KCTD1: variants seen among roughly 807,000 people sequenced by gnomAD.
KCTD1 encodes BTB/POZ domain-containing protein KCTD1.
KCTD1 carries 24 observed loss-of-function variants against 66.0 expected under a neutral mutation model. That is an observed-to-expected ratio of 0.36 (90% CI 0.26 to 0.51). The LOEUF (loss-of-function observed/expected upper bound fraction) is 0.51. Ranked by LOEUF, KCTD1 falls within the 20% of genes least tolerant of loss-of-function variation. The pLI is 0.95. For missense variants in KCTD1, 943 were observed against 1,205.2 expected (o/e 0.78, Z 3.22); for synonymous variants, 511 against 517.2 (o/e 0.99, Z 0.16).
At chr18:26,525,019 T>G (rs1984089781) in intron 1 of KCTD1, among the ~76,000 whole-genome samples, 1 of 152,128 alleles carries the variant, frequency 6.6e-6, no homozygotes, top group South Asian at 2.1e-4. Context: ...TCAAAAAAGT[T>G]CATTTCCCTA....
At chr18:26,477,539 T>C (rs1315030154) in intron 2 of KCTD1, among the ~76,000 whole-genome samples, 1 of 152,238 alleles carries the variant, frequency 6.6e-6, no homozygotes, top group African/African-American at 2.4e-5. Flanking sequence ...AAGCATTCCA[T>C]ATCAGAGAAG....
In KCTD1 at chr18:26,609,798, A is replaced by G. The variant is rs1987094539; in HGVS notation, c.-16+19349T>C. ...CTTTTACAAGGATAAAGTCAATTGT[A>G]TTTCATTTGGGATAATTCATTTAAA... On this transcript the variant is annotated intron_variant, in intron 1 of 4. Transcript: ENST00000317932. 2.0e-5 allele frequency among the ~76,000 whole-genome samples: 3 copies of G among 152,224 alleles called. No homozygotes were observed. In the South Asian group the frequency reaches 6.2e-4, roughly 32 times the overall value.
intron 1 of KCTD1, among the ~76,000 whole-genome samples, chr18:26,626,250 C>A (rs929051620): frequency 1.3e-5 from 2 of 152,076 alleles, no homozygotes; most frequent in African/African-American, 4.8e-5. Context: ...ACAGCTTAAG[C>A]CTATGCCAGC....
chr18:26,603,445 A>AC (rs1180366268), intron 1 of KCTD1, among the ~76,000 whole-genome samples: 1 of 151,060 alleles, frequency 6.6e-6, no homozygotes, highest in Non-Finnish European at 1.5e-5. Context: ...AAAAAAAAAA[A>AC]AGACTTAAAT....
At chr18:26,560,952 G>C (rs1033427382) in intron 1 of KCTD1, among the ~76,000 whole-genome samples, 6 of 152,134 alleles carry the variant, frequency 3.9e-5, no homozygotes, top group African/African-American at 1.4e-4. Flanking sequence ...TATGTACAAG[G>C]GTGCTCTTGA....
At chr18:26,587,429 ATGT>A (rs1568001597) in intron 1 of KCTD1, among the ~76,000 whole-genome samples, 1 of 152,196 alleles carries the variant, frequency 6.6e-6, no homozygotes, top group Non-Finnish European at 1.5e-5. Flanking sequence ...TGAGAGATTA[ATGT>A]TGTTTTCATG....
At chr18:26,616,490 T>C (rs999500689) in intron 1 of KCTD1, among the ~76,000 whole-genome samples, 2 of 135,040 alleles carry the variant, frequency 1.5e-5, no homozygotes, top group East Asian at 2.2e-4. Flanking sequence ...CACACACACA[T>C]ATATGTATAC....
chr18:26,593,534 G>C (rs1986678431), intron 1 of KCTD1, among the ~76,000 whole-genome samples: 1 of 89,346 alleles, frequency 1.1e-5, no homozygotes, highest in African/African-American at 4.5e-5. Flanking sequence ...ACAAGGAGAA[G>C]GAGGAGGAAG....
At chr18:26,533,930 T>A (rs1984569702) in intron 1 of KCTD1, among the ~76,000 whole-genome samples, 1 of 152,094 alleles carries the variant, frequency 6.6e-6, no homozygotes, top group Admixed American at 6.5e-5. Flanking sequence ...TCTAGTTCCA[T>A]ATTCTAGATG....
intron 1 of KCTD1, among the ~76,000 whole-genome samples, chr18:26,507,986 A>G (rs1270553675): frequency 6.6e-6 from 1 of 152,118 alleles, no homozygotes; most frequent in African/African-American, 2.4e-5. Flanking sequence ...AATAAGATAA[A>G]CTGAAAATAA....
intron 1 of KCTD1, among the ~76,000 whole-genome samples, chr18:26,655,399 A>G (rs1341673172): frequency 1.3e-5 from 2 of 151,982 alleles, no homozygotes; most frequent in South Asian, 4.2e-4. Flanking sequence ...CTTAAAGAAT[A>G]TGTTAAACTG....
chr18:26,641,295 A>G (rs990992806), upstream of KCTD1, among the ~76,000 whole-genome samples: 1 of 152,194 alleles, frequency 6.6e-6, no homozygotes, highest in African/African-American at 2.4e-5. Context: ...ACGGTGCCTC[A>G]GAACCAGGTG....
At position 26,657,372 on chromosome 18, in the gene KCTD1, A is replaced by G. The variant is rs1199144917; in HGVS notation, c.-4T>C. Reference sequence around the variant, plus strand: ...CGTCAGATCTTACCTGAAACATTGAAGCACAAAGTCTCTCTCCAAGTCCCC... The same window carrying G: ...CGTCAGATCTTACCTGAAACATTGAGGCACAAAGTCTCTCTCCAAGTCCCC... On this transcript the variant is annotated 5_prime_UTR_variant, in exon 1 of 5. Transcript: ENST00000580191. The G allele has an allele frequency of 4.1e-6, 4 of 985,426 alleles. No individual in the cohort carries two copies. In the African/African-American group the frequency reaches 7.0e-5, roughly 17 times the overall value. 61.0% of individuals were successfully genotyped at this position (985,426 alleles called of 1,614,324 possible).
chr18:26,545,387 G>GA (rs1985162436), intron 1 of KCTD1: 1 of 152,176 alleles, frequency 6.6e-6, no homozygotes, highest in African/African-American at 2.4e-5. Flanking sequence ...AAGTACAGAA[G>GA]ACACATAGCC....
intron 1 of KCTD1, among the ~76,000 whole-genome samples, chr18:26,603,173 T>C (rs1266117634): frequency 6.6e-6 from 1 of 152,170 alleles, no homozygotes; most frequent in East Asian, 1.9e-4. Context: ...CTCACACCTG[T>C]AATCCCAGCA....
chr18:26,550,857 G>T (rs933939643), upstream of KCTD1, among the ~76,000 whole-genome samples: 8 of 152,358 alleles, frequency 5.3e-5, 1 homozygote, highest in Middle Eastern at 3.4e-3. This position sits in a 1 kb window ranked among gnomAD's most constrained non-coding sequence, Gnocchi z 5.4. Context: ...CCTTTGTCCT[G>T]GGACGCTCCC....
chr18:26,598,501 T>C (rs1986820177), intron 1 of KCTD1, among the ~76,000 whole-genome samples: 1 of 113,154 alleles, frequency 8.8e-6, no homozygotes, highest in Admixed American at 8.6e-5. Flanking sequence ...CACACACGTT[T>C]TTGATTTTCT....
At chr18:26,621,740 G>GTTTT in intron 1 of KCTD1, among the ~76,000 whole-genome samples, 1 of 152,280 alleles carries the variant, frequency 6.6e-6, no homozygotes, top group South Asian at 2.1e-4. Flanking sequence ...AATTTATCTT[G>GTTTT]TTAAAAGGCA....
At chr18:26,614,500 G>A (rs886422151) in intron 1 of KCTD1, among the ~76,000 whole-genome samples, 2 of 152,248 alleles carry the variant, frequency 1.3e-5, no homozygotes, top group Non-Finnish European at 2.9e-5. Flanking sequence ...GGGATGGGCA[G>A]AGAGGAGAGG....
Sources: gnomAD v4.1 joint callset for allele counts (sites outside exome capture counted in the v4.1 genomes callset) on GRCh38, gnomAD v4.1.1 for gene constraint, Gnocchi (gnomAD v3.1) non-coding constraint, MANE v1.5 for transcripts, NCBI Gene and HGNC (gene_info 2026-07-23, HGNC 2026-07-21) for gene names.